The following ZC3H7B variants were observed in gnomAD, a reference collection of about 807,000 sequenced individuals.
The protein encoded by ZC3H7B is zinc finger CCCH-type containing 7B, also known as zinc finger CCCH domain-containing protein 7B.
In ZC3H7B, 35 loss-of-function variants were observed where a neutral mutation model predicts 116.0. The ratio of observed to expected loss-of-function variants is 0.30; its 90% confidence interval spans 0.23 to 0.40. The LOEUF is 0.40. Among genes scored for constraint, ZC3H7B ranks in the 10% least tolerant of loss-of-function variants. The pLI, the probability that ZC3H7B is intolerant of heterozygous loss-of-function variation, is 1.00. For missense variants in ZC3H7B, 1,011 were observed against 1,321.5 expected (o/e 0.77, Z 3.64); for synonymous variants, 502 against 545.6 (o/e 0.92, Z 1.11).
chr22:41,346,273 TG>T lies in ZC3H7B; in HGVS notation c.1665+67del, dbSNP rs1301915061. On this transcript the variant is annotated intron_variant, in intron 14 of 22. Coordinates refer to ENST00000352645, the MANE Select transcript of ZC3H7B (RefSeq NM_017590.6). This position sits in a 1 kb window ranked among gnomAD's most constrained non-coding sequence, Gnocchi z 5.3. ...CACAGACAGGGCTGGGGATGCTCCC[TG>T]GCACGGACCACCATAGGAAGTCAGC... 2.6e-6 allele frequency: 4 copies of T among 1,555,138 alleles called. No individual in the cohort carries two copies. The highest frequency in any genetic ancestry group is 1.8e-5 in the Admixed American group (1 of 56,752).
Position 41,341,090 on chromosome 22 carries a change from G to A in ZC3H7B, c.1141G>A (p.Glu381Lys). Residue 381 changes from glutamate to lysine, a missense_variant and splice_region_variant, in exon 11 of 23, where the codon GAG (glutamate) becomes AAG (lysine). Around this residue, in one of 5 missense-constraint regions of ZC3H7B, gnomAD observed 99 missense variants for 89.5 expected, o/e 1.11. Transcript: ENST00000352645. ...SLDKPDSFMEETNSQDHRPPS... is the reference protein window; with the variant it reads ...SLDKPDSFMEKTNSQDHRPPS... Reference sequence around the variant, plus strand: ...CCCTGTGTCTTCTCCCTGCCCAGAGGAGACCAACTCACAGGACCACCGTCC... The same window carrying A: ...CCCTGTGTCTTCTCCCTGCCCAGAGAAGACCAACTCACAGGACCACCGTCC... 2 of 1,613,806 alleles carry A rather than the reference G, an allele frequency of 1.2e-6. No individual in the cohort carries two copies. The highest frequency in any genetic ancestry group is 1.7e-6 in the Non-Finnish European group (2 of 1,179,834).
At chr22:41,348,042 C>T (rs1417095387) in intron 14 of ZC3H7B, 25 bp from the exon 15 acceptor site, 2 of 1,609,690 alleles carry the variant, frequency 1.2e-6, no homozygotes, top group East Asian at 2.2e-5. Context: ...CATGCCAGGT[C>T]CCAGCCCTTC....
intron 1 of ZC3H7B, among the ~76,000 whole-genome samples, chr22:41,306,136 A>G (rs955926024): frequency 5.9e-5 from 9 of 152,150 alleles, no homozygotes; most frequent in Non-Finnish European, 1.0e-4. Context: ...CATTGGGTTC[A>G]AGTCAGGCTC....
At position 41,351,612 on chromosome 22, in the gene ZC3H7B, T is replaced by C. The variant is rs756335914; in HGVS notation, c.2000T>C (p.Met667Thr). ...VQESKKYWQQMEAHAGKASSS... is the reference protein window; with the variant it reads ...VQESKKYWQQTEAHAGKASSS... ...GAGTCTAAGAAGTACTGGCAGCAGA[T>C]GGAGGCGCATGCGGGGAAGGCCAGC... Residue 667 changes from methionine to threonine, a missense_variant, in exon 17 of 23, where the codon ATG (methionine) becomes ACG (threonine). By Grantham distance (81) the Met-to-Thr change is moderately conservative. Around this residue, in one of 5 missense-constraint regions of ZC3H7B, gnomAD observed 406 missense variants for 590.2 expected, o/e 0.69. Transcript: ENST00000352645. The surrounding 1 kb of genome is among the most constrained non-coding windows in gnomAD (Gnocchi z 5.1). The C allele has an allele frequency of 1.2e-5, 20 of 1,613,856 alleles. No individual in the cohort carries two copies. Among genetic ancestry groups the C allele is most frequent in the Middle Eastern group, 1.6e-4 (1 of 6,080 alleles).
At position 41,327,931 on chromosome 22, in the gene ZC3H7B, C is replaced by T. The variant is rs2036337959; in HGVS notation, c.444+567C>T. Reference sequence around the variant, plus strand: ...TTGAGCTCAGGAGTTTGCAACTAGCCTGAGCAACATAGCAAGACCCTGTTT... The same window carrying T: ...TTGAGCTCAGGAGTTTGCAACTAGCTTGAGCAACATAGCAAGACCCTGTTT... On this transcript the variant is annotated intron_variant, in intron 5 of 22. Transcript: ENST00000352645. This position sits in a 1 kb window ranked among gnomAD's most constrained non-coding sequence, Gnocchi z 4.5. Among the ~76,000 whole-genome samples the T allele has an allele frequency of 6.6e-6, 1 of 152,074 alleles. No individual in the cohort carries two copies. Among genetic ancestry groups the T allele is most frequent in the Non-Finnish European group, 1.5e-5 (1 of 68,018 alleles).
chr22:41,315,564 T>G (rs1471797980), intron 1 of ZC3H7B, among the ~76,000 whole-genome samples: 3 of 152,112 alleles, frequency 2.0e-5, no homozygotes, highest in Non-Finnish European at 1.5e-5. Flanking sequence ...TACCATAGAC[T>G]GAGTGGCTTA....
At chr22:41,329,031 C>CAAAAA (rs905189346) in intron 5 of ZC3H7B, among the ~76,000 whole-genome samples, 11 of 40,486 alleles carry the variant, frequency 2.7e-4, no homozygotes, top group African/African-American at 5.6e-4. Flanking sequence ...TACTAAAATA[C>CAAAAA]AAAAAAAAAA....
rs1224388840 is a variant in ZC3H7B, at chr22:41,357,507, G to T, written c.*78G>T. 5 of 833,588 alleles carry T rather than the reference G, an allele frequency of 6.0e-6. No homozygotes were observed. The African/African-American group carries it at 8.6e-5, about 14-fold the overall frequency. The allele number at this position is 833,588 out of a possible 1,614,324, so 51.6% of individuals were successfully genotyped here. The stretch of plus-strand genomic sequence containing the variant: ...CAGAAGGCCTGATAGAAGGGTCAGG[G>T]CAGGCCAGGGGGGTGGGGGGCCGCC... On this transcript the variant is annotated 3_prime_UTR_variant, in exon 23 of 23. Transcript: ENST00000352645. This position sits in a 1 kb window ranked among gnomAD's most constrained non-coding sequence, Gnocchi z 5.4.
At chr22:41,335,155 TG>T (rs1214365911) in intron 7 of ZC3H7B, 1 of 152,256 alleles carries the variant, frequency 6.6e-6, no homozygotes, top group East Asian at 1.9e-4. Flanking sequence ...GTTCCTCCTA[TG>T]GGGCTCGGAA....
chr22:41,317,080 C>T (rs538539856), intron 1 of ZC3H7B, among the ~76,000 whole-genome samples: 45 of 151,862 alleles, frequency 3.0e-4, no homozygotes, highest in African/African-American at 8.7e-4. Flanking sequence ...CCTCGTTATC[C>T]GCCTGCCTCA....
intron 15 of ZC3H7B, among the ~76,000 whole-genome samples, chr22:41,348,796 G>A (rs2036620971): frequency 6.6e-6 from 1 of 152,222 alleles, no homozygotes; most frequent in South Asian, 2.1e-4. Flanking sequence ...CAGAGGACAT[G>A]CTTGGTTAGT....
rs369470480 is a variant in ZC3H7B, at chr22:41,359,873, G to C, written c.*2444G>C. 240 of 145,512 alleles carry C rather than the reference G, an allele frequency of 1.6e-3. 1 individual carries two copies. The highest frequency in any genetic ancestry group is 5.5e-3 in the African/African-American group (220 of 39,710). The allele number at this position is 145,512 out of a possible 1,614,324, so 9.0% of individuals were successfully genotyped here. A position where few individuals can be genotyped will look rare whatever the true frequency, so the allele number is the denominator to read the frequency against. The stretch of plus-strand genomic sequence containing the variant: ...TCTGGGACCTGTGTTCCCCCCGGCA[G>C]GCAGGGACAAGATGGCATGGCAAGC... On this transcript the variant is annotated 3_prime_UTR_variant, in exon 23 of 23. Transcript: ENST00000352645.
intron 7 of ZC3H7B, chr22:41,334,664 A>C (rs2036421016): frequency 6.6e-6 from 1 of 152,318 alleles, no homozygotes; most frequent in South Asian, 2.1e-4. Flanking sequence ...ACATGCACAA[A>C]CGGAGTGCCC....
At chr22:41,356,605 G>A in intron 21 of ZC3H7B, 40 bp from the exon 22 acceptor site, 1 of 1,612,400 alleles carries the variant, frequency 6.2e-7, no homozygotes, top group South Asian at 1.1e-5. Context: ...TCCGGGCAGA[G>A]GTGTGGGGGA....
intron 1 of ZC3H7B, among the ~76,000 whole-genome samples, chr22:41,305,342 CAAA>C (rs576957718): frequency 7.4e-5 from 7 of 94,160 alleles, no homozygotes; most frequent in Admixed American, 1.2e-4. Context: ...GACTCTGTCT[CAAA>C]AAAAAAAAAA....
chr22:41,351,985 G>C lies in ZC3H7B; in HGVS notation c.2034+339G>C, dbSNP rs1480648209. Among the ~76,000 whole-genome samples, 1 of 152,060 alleles carries C rather than the reference G, an allele frequency of 6.6e-6. No individual in the cohort carries two copies. The highest frequency in any genetic ancestry group is 2.4e-5 in the African/African-American group (1 of 41,368). On this transcript the variant is annotated intron_variant, in intron 17 of 22. Coordinates refer to ENST00000352645, the MANE Select transcript of ZC3H7B (RefSeq NM_017590.6). The surrounding 1 kb of genome is among the most constrained non-coding windows in gnomAD (Gnocchi z 5.1). ...TTACAGGCATGCACCACCACACCTGGCTGATTTGTCTATTTTTTAAGACCG... is the reference window on the plus strand; with the variant it reads ...TTACAGGCATGCACCACCACACCTGCCTGATTTGTCTATTTTTTAAGACCG...
Position 41,349,501 on chromosome 22 carries a change from C to T in ZC3H7B, c.1948+200C>T, listed in dbSNP as rs1601794043. On this transcript the variant is annotated intron_variant, in intron 16 of 22. Coordinates refer to ENST00000352645, the MANE Select transcript of ZC3H7B (RefSeq NM_017590.6). This position sits in a 1 kb window ranked among gnomAD's most constrained non-coding sequence, Gnocchi z 4.9. Reference sequence around the variant, plus strand: ...GGCACCACAGAGGAGAGAAGCTCTGCTCTCAGGGCGCTTCCAGGCTCGGAG... The same window carrying T: ...GGCACCACAGAGGAGAGAAGCTCTGTTCTCAGGGCGCTTCCAGGCTCGGAG... Among the ~76,000 whole-genome samples, 1 of 152,118 alleles carries T rather than the reference C, an allele frequency of 6.6e-6. No individual in the cohort carries two copies. The highest frequency in any genetic ancestry group is 2.1e-4 in the South Asian group (1 of 4,830).
At chr22:41,320,837 G>A in intron 2 of ZC3H7B, 124 bp downstream of exon 2, 5 of 1,353,718 alleles carry the variant, frequency 3.7e-6, no homozygotes, top group Non-Finnish European at 5.2e-6. Context: ...TCCTGTGTGC[G>A]CTGGGGTGCG....
At chr22:41,344,161 G>T (rs948824039) in intron 13 of ZC3H7B, among the ~76,000 whole-genome samples, 5 of 152,238 alleles carry the variant, frequency 3.3e-5, no homozygotes, top group Non-Finnish European at 7.3e-5. Flanking sequence ...GGCCTTCCCA[G>T]TGTAGCCCTT....
Sources: gnomAD v4.1 joint callset for allele counts (sites outside exome capture counted in the v4.1 genomes callset) on GRCh38, gnomAD v4.1.1 for gene constraint, gnomAD v4.1.1 regional missense constraint, Gnocchi (gnomAD v3.1) non-coding constraint, MANE v1.5 for transcripts, NCBI Gene and HGNC (gene_info 2026-07-23, HGNC 2026-07-21) for gene names.